The following PRKCE variants were observed in gnomAD, a reference collection of about 807,000 sequenced individuals.
The protein encoded by PRKCE is protein kinase C epsilon type.
A neutral mutation model predicts 85.4 loss-of-function variants in PRKCE; 16 were observed. That is an observed-to-expected ratio of 0.19 (90% CI 0.13 to 0.28). PRKCE has a LOEUF of 0.28. Ranked by LOEUF, PRKCE falls within the 10% of genes least tolerant of loss-of-function variation. The probability of loss-of-function intolerance (pLI) is 1.00; values close to 1 mark genes in which losing one functional copy is unlikely to be tolerated. For synonymous variants in PRKCE, 388 were observed against 371.5 expected (o/e 1.04, Z -0.51); for missense variants, 573 against 975.2 (o/e 0.59, Z 5.49).
Position 46,086,246 on chromosome 2 carries a change from A to G in PRKCE, c.1476A>G (p.Gly492=). The change falls in exon 11 of 15, where the codon GGA becomes GGG. Residue 492 remains glycine, a synonymous_variant. Coordinates refer to ENST00000306156, the MANE Select transcript of PRKCE (RefSeq NM_005400.3). ...TCGTCATGGAATATGTAAATGGTGG[A>G]GACCTCATGTTTCAGATTCAGCGCT... ...LFFVMEYVNG[G]DLMFQIQRSR... 4 of 1,599,626 alleles carry G rather than the reference A, an allele frequency of 2.5e-6. No individual in the cohort carries two copies. Among genetic ancestry groups the G allele is most frequent in the Non-Finnish European group, 2.5e-6 (3 of 1,179,922 alleles).
At chr2:45,911,760 A>G (rs946757828) in intron 2 of PRKCE, among the ~76,000 whole-genome samples, 3 of 152,132 alleles carry the variant, frequency 2.0e-5, no homozygotes, top group African/African-American at 7.2e-5. Context: ...ATTTAGTTCT[A>G]TACTGCCACT....
At chr2:45,871,941 TC>T (rs1294105225) in intron 2 of PRKCE, among the ~76,000 whole-genome samples, 3 of 152,138 alleles carry the variant, frequency 2.0e-5, no homozygotes. Flanking sequence ...CTGTCCCCAT[TC>T]CACAAGTATA....
In PRKCE at chr2:45,914,384, T is replaced by C. The variant is rs1020130916; in HGVS notation, c.413-62045T>C. Among the ~76,000 whole-genome samples the C allele has an allele frequency of 2.0e-5, 3 of 152,296 alleles. No homozygotes were observed. In the East Asian group the frequency reaches 5.8e-4, roughly 29 times the overall value. On this transcript the variant is annotated intron_variant, in intron 2 of 14. Coordinates refer to ENST00000306156, the MANE Select transcript of PRKCE (RefSeq NM_005400.3). ...TGTGGACTTGGATGTGTCTCAACGA[T>C]GTGTGGTCCAGAGGGCTGGTGGCTC...
At chr2:46,158,654 G>C (rs2104573108) in intron 13 of PRKCE, among the ~76,000 whole-genome samples, 1 of 152,322 alleles carries the variant, frequency 6.6e-6, no homozygotes, top group East Asian at 1.9e-4. Context: ...TTGGATTACA[G>C]TTTATTCTCT....
At chr2:45,716,257 C>CT (rs1462125875) in intron 1 of PRKCE, among the ~76,000 whole-genome samples, 1 of 152,246 alleles carries the variant, frequency 6.6e-6, no homozygotes, top group Non-Finnish European at 1.5e-5. Context: ...TGGCCCATGC[C>CT]TGTAATCCTA....
chr2:45,702,729 T>G (rs1489552350), intron 1 of PRKCE, among the ~76,000 whole-genome samples: 1 of 152,154 alleles, frequency 6.6e-6, no homozygotes, highest in Non-Finnish European at 1.5e-5. Context: ...CCCCAGCATA[T>G]AAAGTGAATC....
At chr2:45,862,745 A>G (rs562888180) in intron 2 of PRKCE, among the ~76,000 whole-genome samples, 1 of 152,186 alleles carries the variant, frequency 6.6e-6, no homozygotes, top group African/African-American at 2.4e-5. Context: ...AGTCAGCTCT[A>G]TTCTGCTCCC....
At chr2:46,087,400 C>T (rs551107531) in intron 11 of PRKCE, among the ~76,000 whole-genome samples, 1 of 152,260 alleles carries the variant, frequency 6.6e-6, no homozygotes, top group East Asian at 1.9e-4. Context: ...TGAAAGATAT[C>T]CAGGTCCTAA....
chr2:45,977,266 A>G (rs1702530097), intron 3 of PRKCE, among the ~76,000 whole-genome samples: 1 of 152,226 alleles, frequency 6.6e-6, no homozygotes, highest in Non-Finnish European at 1.5e-5. Flanking sequence ...CCACTGAATA[A>G]TAATCCACTG....
At chr2:46,096,651 G>C (rs1670709464) in intron 11 of PRKCE, among the ~76,000 whole-genome samples, 1 of 152,176 alleles carries the variant, frequency 6.6e-6, no homozygotes, top group Non-Finnish European at 1.5e-5. Flanking sequence ...AACCCTGCCA[G>C]CACCTTGGTC....
intron 2 of PRKCE, among the ~76,000 whole-genome samples, chr2:45,947,182 C>G (rs1700298055): frequency 6.6e-6 from 1 of 152,148 alleles, no homozygotes; most frequent in African/African-American, 2.4e-5. Flanking sequence ...ATGGATGAAC[C>G]TTAATCACTA....
Position 45,954,379 on chromosome 2 carries a change from T to G in PRKCE, c.413-22050T>G, listed in dbSNP as rs76570017. Among the ~76,000 whole-genome samples the G allele has an allele frequency of 4.2e-3, 641 of 152,342 alleles. 5 individuals carry two copies. Among genetic ancestry groups the G allele is most frequent in the African/African-American group, 0.014 (587 of 41,566 alleles). On this transcript the variant is annotated intron_variant, in intron 2 of 14. Transcript: ENST00000306156. ...TCAAATTGTAAGTTCCTTATCAATA[T>G]TGCATCATCCATTAACCCTTTATTG...
At chr2:45,667,046 C>T (rs967431946) in intron 1 of PRKCE, among the ~76,000 whole-genome samples, 1 of 152,146 alleles carries the variant, frequency 6.6e-6, no homozygotes, top group Admixed American at 6.5e-5. Context: ...TACAGTGGCT[C>T]ATGCCTGTAA....
rs556807239 is a variant in PRKCE, at chr2:46,068,349, G to A, written c.1438-17859G>A. Among the ~76,000 whole-genome samples the A allele has an allele frequency of 5.3e-5, 8 of 152,182 alleles. No individual in the cohort carries two copies. Among genetic ancestry groups the A allele is most frequent in the Non-Finnish European group, 1.2e-4 (8 of 68,020 alleles). On this transcript the variant is annotated intron_variant, in intron 10 of 14. Coordinates refer to ENST00000306156, the MANE Select transcript of PRKCE (RefSeq NM_005400.3). This position sits in a 1 kb window ranked among gnomAD's most constrained non-coding sequence, Gnocchi z 4.3. ...AAACAGTGTTGAATTAGGTTTTCTA[G>A]AGTAATGGTGCTCACCCACCTTGGT...
At chr2:46,055,811 C>T (rs1180607948) in intron 10 of PRKCE, among the ~76,000 whole-genome samples, 1 of 152,144 alleles carries the variant, frequency 6.6e-6, no homozygotes, top group Non-Finnish European at 1.5e-5. Context: ...CACAGGTGCA[C>T]ACCACCACGC....
Position 45,652,071 on chromosome 2 carries a change from T to G in PRKCE, c.-30T>G, listed in dbSNP as rs771203665. On this transcript the variant is annotated 5_prime_UTR_variant, in exon 1 of 15. Coordinates refer to ENST00000306156, the MANE Select transcript of PRKCE (RefSeq NM_005400.3). This position sits in a 1 kb window ranked among gnomAD's most constrained non-coding sequence, Gnocchi z 7.7. ...ATTCCTGCCCTCGGGGCAGACGGAG[T>G]GACCCCGGCCCCCACTCCCCGCCCC... The G allele has an allele frequency of 6.8e-7, 1 of 1,480,486 alleles. No individual in the cohort carries two copies. The highest frequency in any genetic ancestry group is 9.1e-7 in the Non-Finnish European group (1 of 1,098,062). 91.7% of individuals were successfully genotyped at this position (1,480,486 alleles called of 1,614,324 possible).
intron 3 of PRKCE, among the ~76,000 whole-genome samples, chr2:45,976,804 C>G (rs1268500243): frequency 2.7e-5 from 4 of 150,482 alleles, no homozygotes; most frequent in Non-Finnish European, 5.9e-5. Flanking sequence ...AACTTTATAC[C>G]TAGAATTTTA....
intron 2 of PRKCE, among the ~76,000 whole-genome samples, chr2:45,913,446 A>G (rs1290675402): frequency 6.6e-6 from 1 of 152,226 alleles, no homozygotes; most frequent in Non-Finnish European, 1.5e-5. Context: ...CACCATGCCC[A>G]GCCAGCAAGA....
At chr2:45,801,833 C>T (rs1160938518) in intron 1 of PRKCE, among the ~76,000 whole-genome samples, 2 of 152,120 alleles carry the variant, frequency 1.3e-5, no homozygotes. Context: ...GCTCCAGAGA[C>T]CCAAGTCAGA....
Sources: allele counts gnomAD v4.1 joint callset (sites outside exome capture counted in the v4.1 genomes callset), GRCh38; gene constraint gnomAD v4.1.1; non-coding constraint Gnocchi (gnomAD v3.1); transcripts MANE v1.5; gene names NCBI Gene and HGNC (gene_info 2026-07-23, HGNC 2026-07-21).